NSD2: variants seen among roughly 807,000 people sequenced by gnomAD.
NSD2 encodes the protein nuclear receptor binding SET domain protein 2.
Under a neutral mutation model 139.0 loss-of-function variants are expected in NSD2, and 12 were observed. That is an observed-to-expected ratio of 0.09 (90% CI 0.06 to 0.14). The LOEUF (loss-of-function observed/expected upper bound fraction) is 0.14, where lower values mean the gene tolerates loss of function less well. NSD2 is among the 10% of genes least tolerant of loss of function. NSD2 has a pLI of 1.00. For synonymous variants in NSD2, 669 were observed against 648.7 expected (o/e 1.03, Z -0.48); for missense variants, 1,155 against 1,745.0 (o/e 0.66, Z 6.02).
At chr4:1,904,182 G>A (rs1717581366) in intron 2 of NSD2, 34 bp from the exon 3 acceptor site, 2 of 1,604,016 alleles carry the variant, frequency 1.2e-6, no homozygotes, top group Non-Finnish European at 1.7e-6. Flanking sequence ...GTGATTGGAT[G>A]TGTTAGTGTT....
rs772984703 is a variant in NSD2, at chr4:1,975,007, A to G, written c.3514+3A>G. Reference sequence around the variant, plus strand: ...TGCCGTCTGTGACATTCCTGCAGGTACAAGCTCTGGGGACCCTGCATGGGG... The same window carrying G: ...TGCCGTCTGTGACATTCCTGCAGGTGCAAGCTCTGGGGACCCTGCATGGGG... On this transcript the variant is annotated splice_donor_region_variant and intron_variant, in intron 19 of 21. Transcript: ENST00000508803. 2 of 1,614,082 alleles carry G rather than the reference A, an allele frequency of 1.2e-6. No homozygotes were observed. Among genetic ancestry groups the G allele is most frequent in the Non-Finnish European group, 1.7e-6 (2 of 1,180,018 alleles).
intron 1 of NSD2, among the ~76,000 whole-genome samples, chr4:1,888,931 T>C (rs1238930185): frequency 1.3e-5 from 2 of 148,848 alleles, no homozygotes; most frequent in East Asian, 2.0e-4. Context: ...ACAGTCTCAC[T>C]CTGTTGGCCA....
intron 1 of NSD2, among the ~76,000 whole-genome samples, chr4:1,890,653 G>A (rs1560565298): frequency 6.6e-6 from 1 of 151,736 alleles, no homozygotes; most frequent in African/African-American, 2.4e-5. Flanking sequence ...CCAGGCTGGA[G>A]TACAATGGCA....
chr4:1,963,207 C>G (rs549633695), intron 18 of NSD2, among the ~76,000 whole-genome samples: 1 of 152,302 alleles, frequency 6.6e-6, no homozygotes, highest in East Asian at 1.9e-4. Flanking sequence ...GGAAGCAGGT[C>G]CATAAGGGCG....
At chr4:1,969,798 TAA>T (rs1388986432) in intron 18 of NSD2, among the ~76,000 whole-genome samples, 2 of 152,170 alleles carry the variant, frequency 1.3e-5, no homozygotes, top group African/African-American at 4.8e-5. Context: ...ACAAAGTAGA[TAA>T]AAGTTATACT....
Position 1,935,155 on chromosome 4 carries a change from G to A in NSD2, c.1567G>A (p.Gly523Arg). The A allele has an allele frequency of 6.2e-7, 1 of 1,609,480 alleles. No individual in the cohort carries two copies. The highest frequency in any genetic ancestry group is 8.5e-7 in the Non-Finnish European group (1 of 1,177,784). ...QAEEDSGNVN[G>R]KKRNHTKRIQ... is the part of the protein sequence containing the mutation. Reference sequence around the variant, plus strand: ...TTCCCCATTCCAAGGTAATGTAAATGGGAAAAAAAGAAACCACACAAAGAG... The same window carrying A: ...TTCCCCATTCCAAGGTAATGTAAATAGGAAAAAAAGAAACCACACAAAGAG... The change falls in exon 7 of 22, where the codon GGG becomes AGG. Residue 523 changes from glycine (G) to arginine (R), a missense_variant. Gly to Arg is a moderately radical substitution (Grantham distance 125). Transcript: ENST00000508803.
rs1723927714 is a variant in NSD2, at chr4:1,948,988, T to C, written c.1882-2084T>C. Among the ~76,000 whole-genome samples the C allele has an allele frequency of 6.6e-6, 1 of 152,218 alleles. No individual in the cohort carries two copies. The highest frequency in any genetic ancestry group is 1.5e-5 in the Non-Finnish European group (1 of 68,038). Reference sequence around the variant, plus strand: ...AAGGCCCCTTTCTCTGGGCCTTGGTTCCCCCATCAGATGGGTCAGCTTGGG... The same window carrying C: ...AAGGCCCCTTTCTCTGGGCCTTGGTCCCCCCATCAGATGGGTCAGCTTGGG... On this transcript the variant is annotated intron_variant, in intron 9 of 21. Coordinates refer to ENST00000508803, the MANE Select transcript of NSD2 (RefSeq NM_001042424.3). The surrounding 1 kb of genome is among the most constrained non-coding windows in gnomAD (Gnocchi z 4.5).
At chr4:1,927,005 T>G (rs1455330660) in intron 5 of NSD2, among the ~76,000 whole-genome samples, 1 of 152,214 alleles carries the variant, frequency 6.6e-6, no homozygotes, top group Non-Finnish European at 1.5e-5. Flanking sequence ...TGGTTCTGCC[T>G]TAGGGTCTCT....
intron 15 of NSD2, among the ~76,000 whole-genome samples, chr4:1,957,531 G>A (rs563240402): frequency 1.2e-4 from 18 of 149,828 alleles, no homozygotes; most frequent in Middle Eastern, 3.4e-3. Flanking sequence ...CAGGTGATCC[G>A]CCTGCCTCGG....
chr4:1,980,447 C>T lies in NSD2; in HGVS notation c.*1538C>T, dbSNP rs1210170152. The T allele has an allele frequency of 4.3e-6, 1 of 233,004 alleles. No homozygotes were observed. The highest frequency in any genetic ancestry group is 8.5e-6 in the Non-Finnish European group (1 of 117,990). 14.4% of individuals were successfully genotyped at this position (233,004 alleles called of 1,614,324 possible). On this transcript the variant is annotated 3_prime_UTR_variant, in exon 22 of 22. Transcript: ENST00000508803. ...TTAAAATAACCTAAGGGGGACACATCCATCTTGCAGAGAAGTTTACAGAAC... is the reference window on the plus strand; with the variant it reads ...TTAAAATAACCTAAGGGGGACACATTCATCTTGCAGAGAAGTTTACAGAAC...
intron 5 of NSD2, among the ~76,000 whole-genome samples, chr4:1,924,365 G>A (rs1180403130): frequency 2.0e-5 from 3 of 151,978 alleles, no homozygotes. Flanking sequence ...GGTGTCGGGT[G>A]GGAACCGCCC....
chr4:1,951,941 G>A (rs1370806096), intron 10 of NSD2, 167 bp from the exon 11 acceptor site: 1 of 1,066,214 alleles, frequency 9.4e-7, no homozygotes, highest in East Asian at 2.7e-5. Flanking sequence ...TTCTGTATTT[G>A]TACGTTCTGT....
At position 1,981,723 on chromosome 4, in the gene NSD2, C is replaced by A. The variant is rs564244848; in HGVS notation, c.*2814C>A. 5 of 396,200 alleles carry A rather than the reference C, an allele frequency of 1.3e-5. No individual in the cohort carries two copies. The highest frequency in any genetic ancestry group is 2.2e-5 in the Non-Finnish European group (5 of 225,006). 24.5% of individuals were successfully genotyped at this position (396,200 alleles called of 1,614,324 possible). A position where few individuals can be genotyped will look rare whatever the true frequency, so the allele number is the denominator to read the frequency against. Reference sequence around the variant, plus strand: ...GTCTGTCTTGACATCTAAACCCCGGCGTGTGCAGTGCCCATCTTCCAGGAC... The same window carrying A: ...GTCTGTCTTGACATCTAAACCCCGGAGTGTGCAGTGCCCATCTTCCAGGAC... On this transcript the variant is annotated 3_prime_UTR_variant, in exon 22 of 22. Coordinates refer to ENST00000508803, the MANE Select transcript of NSD2 (RefSeq NM_001042424.3).
intron 11 of NSD2, chr4:1,952,704 G>A (rs1445727191): frequency 5.6e-6 from 6 of 1,070,072 alleles, no homozygotes; most frequent in Non-Finnish European, 6.8e-6. Flanking sequence ...CTCCAGGCTT[G>A]TCCTGGGTTG....
chr4:1,944,729 G>A, intron 9 of NSD2: 1 of 1,064,654 alleles, frequency 9.4e-7, no homozygotes, highest in Non-Finnish European at 1.1e-6. Flanking sequence ...GAGCCATTGG[G>A]CCATCAAGCC....
Position 1,957,838 on chromosome 4 carries a change from A to G in NSD2, c.2882-95A>G, listed in dbSNP as rs1052573769. 8.5e-6 allele frequency: 10 copies of G among 1,176,060 alleles called. No individual in the cohort carries two copies. The South Asian group carries it at 1.0e-4, about 12-fold the overall frequency. 72.9% of individuals were successfully genotyped at this position (1,176,060 alleles called of 1,614,324 possible). A position where few individuals can be genotyped will look rare whatever the true frequency, so the allele number is the denominator to read the frequency against. On this transcript the variant is annotated intron_variant, in intron 15 of 21. Transcript: ENST00000508803. Reference sequence around the variant, plus strand: ...ATGGGAACCAGAAACTATACTTAACATTGAAAGTTTAGAGTGAACTATAAA... The same window carrying G: ...ATGGGAACCAGAAACTATACTTAACGTTGAAAGTTTAGAGTGAACTATAAA...
Position 1,964,627 on chromosome 4 carries a change from G to A in NSD2, c.3372+3476G>A, listed in dbSNP as rs145587890. 3.7e-4 allele frequency among the ~76,000 whole-genome samples: 56 copies of A among 150,886 alleles called. 1 individual carries two copies. In the East Asian group the frequency reaches 9.5e-3, roughly 26 times the overall value. ...CACAGAGGTGCAGACAAAGAGGTGC[G>A]CTGCGCTGCCGTTGTTATCACACCT... On this transcript the variant is annotated intron_variant, in intron 18 of 21. Coordinates refer to ENST00000508803, the MANE Select transcript of NSD2 (RefSeq NM_001042424.3).
Position 1,979,864 on chromosome 4 carries a change from G to A in NSD2, c.*955G>A, listed in dbSNP as rs1727580250. The A allele has an allele frequency of 8.6e-6, 2 of 232,576 alleles. No homozygotes were observed. The highest frequency in any genetic ancestry group is 8.5e-6 in the Non-Finnish European group (1 of 117,702). 14.4% of individuals were successfully genotyped at this position (232,576 alleles called of 1,614,324 possible). A position where few individuals can be genotyped will look rare whatever the true frequency, so the allele number is the denominator to read the frequency against. ...CATGGCGAAAGGAGTGACTTTGCAGGGCGTGAGACCGCAGTCTGCTTAGAG... is the reference window on the plus strand; with the variant it reads ...CATGGCGAAAGGAGTGACTTTGCAGAGCGTGAGACCGCAGTCTGCTTAGAG... On this transcript the variant is annotated 3_prime_UTR_variant, in exon 22 of 22. Transcript: ENST00000508803.
At position 1,955,919 on chromosome 4, in the gene NSD2, G is replaced by A; in HGVS notation, c.2676-64G>A. 6.2e-7 allele frequency: 1 copy of A among 1,611,000 alleles called. No homozygotes were observed. Among genetic ancestry groups the A allele is most frequent in the Non-Finnish European group, 8.5e-7 (1 of 1,178,020 alleles). On this transcript the variant is annotated intron_variant, in intron 14 of 21. Coordinates refer to ENST00000508803, the MANE Select transcript of NSD2 (RefSeq NM_001042424.3). The surrounding 1 kb of genome is among the most constrained non-coding windows in gnomAD (Gnocchi z 4.7). ...ATGTGTTCGCTTTACAGTACTTAAAGTATTGAAATTATTATCGCTGTCTCT... is the reference window on the plus strand; with the variant it reads ...ATGTGTTCGCTTTACAGTACTTAAAATATTGAAATTATTATCGCTGTCTCT...
Sources: allele counts gnomAD v4.1 joint callset (sites outside exome capture counted in the v4.1 genomes callset), GRCh38; gene constraint gnomAD v4.1.1; non-coding constraint Gnocchi (gnomAD v3.1); transcripts MANE v1.5; gene names NCBI Gene and HGNC (gene_info 2026-07-23, HGNC 2026-07-21).